PDE1C: variants seen among roughly 807,000 people sequenced by gnomAD.
The protein encoded by PDE1C is phosphodiesterase 1C, also known as dual specificity calcium/calmodulin-dependent 3',5'-cyclic nucleotide phosphodiesterase 1C.
PDE1C carries 62 observed loss-of-function variants against 93.1 expected under a neutral mutation model. That is an observed-to-expected ratio of 0.67 (90% CI 0.54 to 0.82). The LOEUF is 0.82. PDE1C is among the 40% of genes least tolerant of loss of function. The probability of loss-of-function intolerance (pLI) is 0.00; values close to 1 mark genes in which losing one functional copy is unlikely to be tolerated. For synonymous variants in PDE1C, 325 were observed against 310.1 expected, an observed-to-expected ratio of 1.05 and a Z score of -0.50; for missense variants, 742 against 884.6, an observed-to-expected ratio of 0.84 and a Z score of 2.04.
chr7:31,791,828 T>A (rs1784627010), intron 16 of PDE1C, among the ~76,000 whole-genome samples: 1 of 151,950 alleles, frequency 6.6e-6, no homozygotes, highest in South Asian at 2.1e-4. Flanking sequence ...GACTGCTGGG[T>A]CCCAGAGATG....
In PDE1C at chr7:32,154,540, T is replaced by C. The variant is rs576382665; in HGVS notation, c.308+15245A>G. Reference sequence around the variant, plus strand: ...CTCACTCAGGTTTCAGGAGTTTTTATGCCTAGTATTTTTACATACATTTTC... The same window carrying C: ...CTCACTCAGGTTTCAGGAGTTTTTACGCCTAGTATTTTTACATACATTTTC... On this transcript the variant is annotated intron_variant, in intron 3 of 18. Transcript: ENST00000396193. Among the ~76,000 whole-genome samples the C allele has an allele frequency of 1.8e-4, 28 of 152,302 alleles. No homozygotes were observed. The East Asian group carries it at 3.1e-3, about 17-fold the overall frequency.
At chr7:31,646,272 C>T in the PDE1C span, among the ~76,000 whole-genome samples, 1 of 152,048 alleles carries the variant, frequency 6.6e-6, no homozygotes, top group African/African-American at 2.4e-5. Flanking sequence ...GTAGCACAGC[C>T]CAGTAAGACC....
chr7:31,849,440 G>T (rs1483080793), intron 8 of PDE1C, among the ~76,000 whole-genome samples: 5 of 152,152 alleles, frequency 3.3e-5, no homozygotes, highest in African/African-American at 1.2e-4. Flanking sequence ...CTTTTCTGTG[G>T]CTGAGACTAA....
the PDE1C span, among the ~76,000 whole-genome samples, chr7:31,635,890 T>C: frequency 6.6e-6 from 1 of 152,112 alleles, no homozygotes; most frequent in Non-Finnish European, 1.5e-5. Flanking sequence ...AGTTTACCTA[T>C]GTAATAAACC....
intron 3 of PDE1C, among the ~76,000 whole-genome samples, chr7:32,160,941 T>C (rs1286279275): frequency 6.6e-6 from 1 of 152,146 alleles, no homozygotes; most frequent in Non-Finnish European, 1.5e-5. Flanking sequence ...GCTTCCAAAG[T>C]CTGCAATGCA....
the PDE1C span, chr7:31,652,650 C>T: frequency 6.2e-7 from 1 of 1,613,882 alleles, no homozygotes; most frequent in Non-Finnish European, 8.5e-7. Context: ...GACTGTGTTT[C>T]CTCCCGATGA....
chr7:32,287,173 A>T (rs1812051320), intron 1 of PDE1C, among the ~76,000 whole-genome samples: 1 of 152,208 alleles, frequency 6.6e-6, no homozygotes, highest in Non-Finnish European at 1.5e-5. Flanking sequence ...CAGAAATCTG[A>T]TCTTGTCCCC....
At chr7:31,874,114 T>C (rs1166928339) in intron 5 of PDE1C, among the ~76,000 whole-genome samples, 1 of 152,196 alleles carries the variant, frequency 6.6e-6, no homozygotes, top group Non-Finnish European at 1.5e-5. Context: ...GAGTCACTAG[T>C]CTGGGATCTT....
chr7:32,111,454 A>C (rs1798635080), intron 3 of PDE1C, among the ~76,000 whole-genome samples: 1 of 152,186 alleles, frequency 6.6e-6, no homozygotes, highest in African/African-American at 2.4e-5. Flanking sequence ...CCATCATGAG[A>C]TGGTGCAGGA....
At chr7:32,258,963 T>C (rs749509005) in intron 1 of PDE1C, among the ~76,000 whole-genome samples, 2 of 152,174 alleles carry the variant, frequency 1.3e-5, no homozygotes, top group African/African-American at 4.8e-5. Context: ...AAAGAGGGAA[T>C]GTCCATGGTG....
chr7:31,854,659 T>C (rs1263237546), intron 7 of PDE1C, among the ~76,000 whole-genome samples: 1 of 152,106 alleles, frequency 6.6e-6, no homozygotes, highest in Non-Finnish European at 1.5e-5. Context: ...TTTCTCATTG[T>C]TAGAGGAGAT....
intron 1 of PDE1C, among the ~76,000 whole-genome samples, chr7:32,390,304 T>G (rs2128092862): frequency 6.6e-6 from 1 of 152,196 alleles, no homozygotes; most frequent in South Asian, 2.1e-4. Context: ...CATATTGTAC[T>G]CCCTAAAGCA....
intron 1 of PDE1C, among the ~76,000 whole-genome samples, chr7:32,267,582 A>ACTCTCTCTCTCT (rs1562634837): frequency 7.1e-5 from 5 of 70,564 alleles, no homozygotes; most frequent in South Asian, 4.1e-4. Context: ...TCACACACAC[A>ACTCTCTCTCTCT]CACACTCTCT....
chr7:32,169,403 C>G (rs1381792352), intron 3 of PDE1C, among the ~76,000 whole-genome samples: 1 of 152,218 alleles, frequency 6.6e-6, no homozygotes, highest in African/African-American at 2.4e-5. Flanking sequence ...GCAAGAGACT[C>G]TAAATACACA....
intron 1 of PDE1C, among the ~76,000 whole-genome samples, chr7:32,245,692 A>G: frequency 6.6e-6 from 1 of 152,222 alleles, no homozygotes. Context: ...ACAGAGATTT[A>G]TCTCTCATAG....
intron 1 of PDE1C, chr7:32,052,252 T>C (rs1793487257): frequency 3.0e-5 from 14 of 465,066 alleles, no homozygotes; most frequent in South Asian, 1.7e-4. Context: ...AGAGACCCAG[T>C]TCCAGCCCAC....
chr7:31,635,249 G>A, the PDE1C span, among the ~76,000 whole-genome samples: 1 of 152,162 alleles, frequency 6.6e-6, no homozygotes, highest in South Asian at 2.1e-4. Flanking sequence ...ACATCTAGAT[G>A]TGCATAGTCT....
At chr7:31,683,389 T>C in the PDE1C span, among the ~76,000 whole-genome samples, 1 of 151,734 alleles carries the variant, frequency 6.6e-6, no homozygotes, top group Non-Finnish European at 1.5e-5. Context: ...TATTGTTTAA[T>C]GTGACAATTC....
chr7:32,183,894 C>G (rs968046535), intron 2 of PDE1C, among the ~76,000 whole-genome samples: 1 of 152,134 alleles, frequency 6.6e-6, no homozygotes, highest in Non-Finnish European at 1.5e-5. Context: ...ATTTTCCCAA[C>G]CTACTCATCT....
Sources: allele counts gnomAD v4.1 joint callset (sites outside exome capture counted in the v4.1 genomes callset), GRCh38; gene constraint gnomAD v4.1.1; transcripts MANE v1.5; gene names NCBI Gene and HGNC (gene_info 2026-07-23, HGNC 2026-07-21).